CADM2: variants seen among roughly 807,000 people sequenced by gnomAD.
The protein encoded by CADM2 is immunoglobulin superfamily member 4D.
CADM2 carries 12 observed loss-of-function variants against 49.8 expected under a neutral mutation model. The ratio of observed to expected loss-of-function variants is 0.24; its 90% CI spans 0.15 to 0.39. The LOEUF is 0.39. Ranked by LOEUF, CADM2 falls within the 10% of genes least tolerant of loss-of-function variation. The pLI is 1.00. For missense variants in CADM2, 378 were observed against 492.3 expected (o/e 0.77, Z 2.20); for synonymous variants, 214 against 175.4 (o/e 1.22, Z -1.74).
intron 7 of CADM2, among the ~76,000 whole-genome samples, chr3:85,937,473 T>C (rs1721318134): frequency 6.6e-6 from 1 of 151,978 alleles, no homozygotes; most frequent in Non-Finnish European, 1.5e-5. Context: ...TAAATTTTCC[T>C]ATTTATCCAG....
At chr3:85,233,430 T>C (rs1220822417) in intron 1 of CADM2, among the ~76,000 whole-genome samples, 1 of 152,148 alleles carries the variant, frequency 6.6e-6, no homozygotes. Flanking sequence ...TCGTAACTCA[T>C]GTGCCACACT....
chr3:85,692,314 A>G (rs1156355185), intron 1 of CADM2, among the ~76,000 whole-genome samples: 3 of 152,100 alleles, frequency 2.0e-5, no homozygotes, highest in Non-Finnish European at 4.4e-5. Flanking sequence ...TTTCTGGCCT[A>G]CAAGCCCTTA....
intron 1 of CADM2, among the ~76,000 whole-genome samples, chr3:85,261,514 T>C (rs921425196): frequency 7.2e-5 from 11 of 152,276 alleles, no homozygotes; most frequent in South Asian, 4.1e-4. Flanking sequence ...CTATTCTAAT[T>C]ATTTTCTATC....
At chr3:85,029,167 T>C (rs1438674304) in intron 1 of CADM2, among the ~76,000 whole-genome samples, 1 of 152,008 alleles carries the variant, frequency 6.6e-6, no homozygotes, top group African/African-American at 2.4e-5. Flanking sequence ...TTTAAATATA[T>C]AAAATAATAA....
At chr3:85,147,391 CA>C (rs1429100152) in intron 1 of CADM2, among the ~76,000 whole-genome samples, 1 of 142,090 alleles carries the variant, frequency 7.0e-6, no homozygotes, top group Non-Finnish European at 1.5e-5. Flanking sequence ...AATGGAAGAA[CA>C]AAAGTGAGGT....
chr3:85,545,013 T>C (rs1412435737), intron 1 of CADM2, among the ~76,000 whole-genome samples: 4 of 152,256 alleles, frequency 2.6e-5, no homozygotes, highest in Admixed American at 6.5e-5. Flanking sequence ...TGTCAAAACC[T>C]ATACACTGGC....
chr3:85,522,125 C>T (rs1260430575), intron 1 of CADM2, among the ~76,000 whole-genome samples: 2 of 152,072 alleles, frequency 1.3e-5, no homozygotes, highest in Non-Finnish European at 2.9e-5. Flanking sequence ...CTTCACTATT[C>T]TGTTCATTCA....
At chr3:85,437,214 T>A (rs1485331350) in intron 1 of CADM2, among the ~76,000 whole-genome samples, 1 of 152,134 alleles carries the variant, frequency 6.6e-6, no homozygotes, top group Non-Finnish European at 1.5e-5. Flanking sequence ...AATGTCTCAT[T>A]ATCTGGCTAT....
chr3:85,343,111 C>T (rs963163515), intron 1 of CADM2, among the ~76,000 whole-genome samples: 1 of 152,062 alleles, frequency 6.6e-6, no homozygotes, highest in African/African-American at 2.4e-5. Context: ...AATGGTAATG[C>T]TACTGACATC....
chr3:85,267,783 A>C lies in CADM2; in HGVS notation c.61+308115A>C, dbSNP rs1332789592. Among the ~76,000 whole-genome samples the C allele has an allele frequency of 3.3e-5, 5 of 151,636 alleles. No homozygotes were observed. The South Asian group carries it at 8.3e-4, about 25-fold the overall frequency. ...ATTAGTGATAACAATAGCCAATTTGAGATTTTTAGATATCTAGAATCAAAG... is the reference window on the plus strand; with the variant it reads ...ATTAGTGATAACAATAGCCAATTTGCGATTTTTAGATATCTAGAATCAAAG... On this transcript the variant is annotated intron_variant, in intron 1 of 9. Coordinates refer to ENST00000383699, the MANE Select transcript of CADM2 (RefSeq NM_001167675.2).
intron 7 of CADM2, among the ~76,000 whole-genome samples, chr3:85,961,033 AT>A (rs1724747110): frequency 6.8e-6 from 1 of 147,136 alleles, no homozygotes; most frequent in Admixed American, 6.8e-5. Context: ...TTATACTCAT[AT>A]TTTATATACA....
intron 1 of CADM2, among the ~76,000 whole-genome samples, chr3:85,546,194 T>C (rs17022958): frequency 0.043 from 6,481 of 152,228 alleles, 461 homozygotes; most frequent in African/African-American, 0.15. Context: ...GCTTCAAAAT[T>C]CTAGCACCAT....
chr3:85,825,048 T>C (rs546275380), intron 3 of CADM2, among the ~76,000 whole-genome samples: 15 of 151,838 alleles, frequency 9.9e-5, no homozygotes, highest in African/African-American at 3.6e-4. Flanking sequence ...CAGAGAATAA[T>C]GAATTTTGGA....
At chr3:85,561,904 G>A (rs1315001953) in intron 1 of CADM2, among the ~76,000 whole-genome samples, 5 of 151,940 alleles carry the variant, frequency 3.3e-5, no homozygotes, top group Admixed American at 6.6e-5. Context: ...GGCACTTTTC[G>A]ATAATTAAAA....
chr3:85,859,868 AT>A, intron 3 of CADM2, among the ~76,000 whole-genome samples: 1 of 152,344 alleles, frequency 6.6e-6, no homozygotes. Flanking sequence ...AAACTTATAA[AT>A]TAATTAAAGA....
chr3:85,441,598 T>C (rs1340048402), intron 1 of CADM2, among the ~76,000 whole-genome samples: 1 of 152,150 alleles, frequency 6.6e-6, no homozygotes, highest in Non-Finnish European at 1.5e-5. Context: ...TCTGGATTTA[T>C]AATCTTGATC....
intron 1 of CADM2, among the ~76,000 whole-genome samples, chr3:85,198,413 T>A (rs981578534): frequency 3.3e-5 from 5 of 151,684 alleles, no homozygotes; most frequent in African/African-American, 1.2e-4. Flanking sequence ...TTTTTCACTG[T>A]TTACAACCCA....
intron 7 of CADM2, among the ~76,000 whole-genome samples, chr3:85,945,942 G>T (rs1722630937): frequency 6.6e-6 from 1 of 152,070 alleles, no homozygotes; most frequent in Non-Finnish European, 1.5e-5. Flanking sequence ...AATCAGGCAG[G>T]AGAAAGAAAT....
chr3:85,118,510 G>A lies in CADM2; in HGVS notation c.61+158842G>A, dbSNP rs6775282. ...AGGCAAAGAGAGAGCCTGTGCAGGG[G>A]AACTCCCCTTTATAAAGCCATCAGA... On this transcript the variant is annotated intron_variant, in intron 1 of 9. Transcript: ENST00000383699. Among the ~76,000 whole-genome samples the A allele has an allele frequency of 4.7e-3, 715 of 152,128 alleles. 6 individuals are homozygous for A. Among genetic ancestry groups the A allele is most frequent in the African/African-American group, 0.017 (693 of 41,520 alleles).
Sources: allele counts gnomAD v4.1 joint callset (sites outside exome capture counted in the v4.1 genomes callset), GRCh38; gene constraint gnomAD v4.1.1; transcripts MANE v1.5; gene names NCBI Gene and HGNC (gene_info 2026-07-23, HGNC 2026-07-21).